CACNA1I: variants seen among roughly 807,000 people sequenced by gnomAD.
CACNA1I encodes the protein voltage-dependent T-type calcium channel subunit alpha-1I.
CACNA1I carries 74 observed loss-of-function variants against 201.6 expected under a neutral mutation model. That is an observed-to-expected ratio of 0.37 (90% CI 0.30 to 0.45). CACNA1I has a LOEUF of 0.45. Ranked by LOEUF, CACNA1I falls within the 20% of genes least tolerant of loss-of-function variation. CACNA1I has a pLI of 1.00. For missense variants in CACNA1I, 2,346 were observed against 3,138.1 expected, an observed-to-expected ratio of 0.75 and a Z score of 6.03; for synonymous variants, 1,431 against 1,345.2, an observed-to-expected ratio of 1.06 and a Z score of -1.40.
chr22:39,616,817 C>G (rs1315471842), intron 3 of CACNA1I, among the ~76,000 whole-genome samples: 1 of 151,432 alleles, frequency 6.6e-6, no homozygotes, highest in Admixed American at 6.6e-5. Context: ...TCTTTGTCAT[C>G]AAGGGGCTGA....
At chr22:39,655,974 A>G (rs1442316806) in intron 10 of CACNA1I, among the ~76,000 whole-genome samples, 1 of 152,124 alleles carries the variant, frequency 6.6e-6, no homozygotes, top group Admixed American at 6.5e-5. Context: ...GTCAGCGCCT[A>G]CAGCTTTCAT....
At chr22:39,651,770 G>C (rs763968149) in intron 10 of CACNA1I, among the ~76,000 whole-genome samples, 1 of 152,258 alleles carries the variant, frequency 6.6e-6, no homozygotes, top group Admixed American at 6.5e-5. Context: ...TGATGAAAGA[G>C]TTGGGAGCTT....
intron 1 of CACNA1I, among the ~76,000 whole-genome samples, chr22:39,583,702 C>A (rs1932656345): frequency 6.6e-6 from 1 of 152,236 alleles, no homozygotes; most frequent in Non-Finnish European, 1.5e-5. Context: ...CATTTCTCAT[C>A]CATTCTACTG....
chr22:39,659,019 A>G lies in CACNA1I; in HGVS notation c.2233A>G (p.Met745Val). Residue 745 changes from methionine to valine, a missense_variant, in exon 12 of 37, where the codon ATG (methionine) becomes GTG (valine). This residue lies in a region of CACNA1I where 155 missense variants were observed against 300.8 expected (regional missense o/e 0.52). Transcript: ENST00000402142. The surrounding 1 kb of genome is among the most constrained non-coding windows in gnomAD (Gnocchi z 4.3). The stretch of plus-strand genomic sequence containing the variant: ...GCGCGTGCTGAAACTGGTGCGCTTC[A>G]TGCCTGCCCTGCGGCGCCAGCTCGT... ...LLRVLKLVRF[M>V]PALRRQLVVL... 2 of 1,612,496 alleles carry G rather than the reference A, an allele frequency of 1.2e-6. No individual in the cohort carries two copies. Among genetic ancestry groups the G allele is most frequent in the Non-Finnish European group, 8.5e-7 (1 of 1,179,548 alleles).
intron 1 of CACNA1I, among the ~76,000 whole-genome samples, chr22:39,583,524 C>G (rs1276851041): frequency 6.6e-6 from 1 of 152,156 alleles, no homozygotes; most frequent in African/African-American, 2.4e-5. Context: ...ATCCACCCAT[C>G]CCTCCACTCA....
At chr22:39,632,459 G>A (rs945112501) in intron 4 of CACNA1I, among the ~76,000 whole-genome samples, 3 of 152,176 alleles carry the variant, frequency 2.0e-5, no homozygotes, top group African/African-American at 4.8e-5. Flanking sequence ...GCTGGCCAAG[G>A]CTTCGCATCC....
chr22:39,686,385 G>C lies in CACNA1I; in HGVS notation c.6652G>C (p.Ala2218Pro). ...LPGELEPGDA[A>P]SKRKR ...CGGAGAGCTGGAGCCGGGAGACGCC[G>C]CCAGCAAGAGGAAGAGATGAGGGTC... Residue 2218 changes from alanine to proline, a missense_variant, in exon 37 of 37, where the codon GCC becomes CCC. Coordinates refer to ENST00000402142, the MANE Select transcript of CACNA1I (RefSeq NM_021096.4). 7.8e-7 allele frequency: 1 copy of C among 1,289,176 alleles called. No homozygotes were observed. Among genetic ancestry groups the C allele is most frequent in the Non-Finnish European group, 9.8e-7 (1 of 1,015,672 alleles). 79.9% of individuals were successfully genotyped at this position (1,289,176 alleles called of 1,614,324 possible).
chr22:39,627,300 G>T (rs1009403233), intron 4 of CACNA1I, among the ~76,000 whole-genome samples: 16 of 152,342 alleles, frequency 1.1e-4, no homozygotes, highest in Middle Eastern at 3.4e-3. Flanking sequence ...GGGTGCACAG[G>T]TCTCGTGGTG....
chr22:39,664,561 G>T (rs951414736), intron 20 of CACNA1I, among the ~76,000 whole-genome samples, 178 bp from the exon 21 acceptor site: 1 of 151,574 alleles, frequency 6.6e-6, no homozygotes, highest in Non-Finnish European at 1.5e-5. Context: ...CCCATCAACC[G>T]CCCTCAGAGG....
At chr22:39,669,585 G>A (rs1415905195) in intron 24 of CACNA1I, among the ~76,000 whole-genome samples, 1 of 150,968 alleles carries the variant, frequency 6.6e-6, no homozygotes, top group African/African-American at 2.4e-5. Flanking sequence ...AAATGAATGG[G>A]TGGCTGGCTG....
intron 2 of CACNA1I, among the ~76,000 whole-genome samples, chr22:39,598,987 G>T (rs1483814481): frequency 1.8e-5 from 2 of 112,042 alleles, no homozygotes; most frequent in Non-Finnish European, 3.3e-5. Flanking sequence ...TCACTGTGTC[G>T]CCCCAGGCTG....
At position 39,659,768 on chromosome 22, in the gene CACNA1I, C is replaced by G. The variant is rs149207079; in HGVS notation, c.2520C>G (p.Leu840=). 27 of 1,613,966 alleles carry G rather than the reference C, an allele frequency of 1.7e-5. No homozygotes were observed. The Middle Eastern group carries it at 6.6e-4, about 39-fold the overall frequency. Residue 840 remains leucine (L), a synonymous_variant, in exon 14 of 37, where the codon CTC becomes CTG. Transcript: ENST00000402142. The surrounding 1 kb of genome is among the most constrained non-coding windows in gnomAD (Gnocchi z 4.3). ...GMASTSPWAS[L]YFVALMTFGN... ...CCTCCACTTCTCCCTGGGCCTCCCT[C>G]TACTTTGTCGCCCTCATGACCTTCG...
intron 4 of CACNA1I, among the ~76,000 whole-genome samples, chr22:39,623,861 G>T (rs975916010): frequency 6.7e-6 from 1 of 148,344 alleles, no homozygotes; most frequent in Admixed American, 6.7e-5. Context: ...CCATAAAGGG[G>T]TGTGCCTGTG....
chr22:39,649,976 AGGACCCTGCCCAGGCC>A lies in CACNA1I; in HGVS notation c.1992+52_1992+67del, dbSNP rs1250263512. ...CCTGCGGGAGAGGTGTGAGGGCCCC[AGGACCCTGCCCAGGCC>A]TGGGCAGCCCCATCCATCTGCCTGG... On this transcript the variant is annotated intron_variant, in intron 10 of 36. Coordinates refer to ENST00000402142, the MANE Select transcript of CACNA1I (RefSeq NM_021096.4). This position sits in a 1 kb window ranked among gnomAD's most constrained non-coding sequence, Gnocchi z 7.3. The A allele has an allele frequency of 2.5e-6, 4 of 1,587,568 alleles. No individual in the cohort carries two copies. The Admixed American group carries it at 6.7e-5, about 27-fold the overall frequency.
At chr22:39,622,783 G>A (rs1426640138) in intron 4 of CACNA1I, among the ~76,000 whole-genome samples, 1 of 151,712 alleles carries the variant, frequency 6.6e-6, no homozygotes, top group African/African-American at 2.4e-5. Flanking sequence ...CACCTGGGTG[G>A]GCGGGAGGGA....
rs549439226 is a variant in CACNA1I at position 39,659,572 on chromosome 22, A to G, written c.2448+22A>G. ...CCAGGTGAGTGGCCGCTGCGTGTTC[A>G]TGTTTGCTGGGGAAGCGATGGGACA... On this transcript the variant is annotated intron_variant, in intron 13 of 36. Coordinates refer to ENST00000402142, the MANE Select transcript of CACNA1I (RefSeq NM_021096.4). This position sits in a 1 kb window ranked among gnomAD's most constrained non-coding sequence, Gnocchi z 4.3. 4.6e-5 allele frequency: 73 copies of G among 1,604,206 alleles called. 1 individual carries two copies. In the East Asian group the frequency reaches 1.5e-3, roughly 33 times the overall value.
chr22:39,676,139 G>C lies in CACNA1I; in HGVS notation c.4855-1202G>C, dbSNP rs1935506412. On this transcript the variant is annotated intron_variant, in intron 29 of 36. Transcript: ENST00000402142. This position sits in a 1 kb window ranked among gnomAD's most constrained non-coding sequence, Gnocchi z 4.8. ...AGATGCTGACAGCAGGGAGGGGACA[G>C]ATAGAAAAGCTGACGGCAATCCTGG... Among the ~76,000 whole-genome samples the C allele has an allele frequency of 6.6e-6, 1 of 152,214 alleles. No individual in the cohort carries two copies. The highest frequency in any genetic ancestry group is 6.5e-5 in the Admixed American group (1 of 15,280).
In CACNA1I at chr22:39,677,889, G is replaced by A. The variant is rs2146474992; in HGVS notation, c.4934-98G>A. The stretch of plus-strand genomic sequence containing the variant: ...ACAGTCTGCAGGCCCCTCCTAGGGT[G>A]TGATGAGGGTTCTGAGGCGAGGCGG... On this transcript the variant is annotated intron_variant, in intron 30 of 36. Coordinates refer to ENST00000402142, the MANE Select transcript of CACNA1I (RefSeq NM_021096.4). The surrounding 1 kb of genome is among the most constrained non-coding windows in gnomAD (Gnocchi z 4.8). 2 of 1,357,332 alleles carry A rather than the reference G, an allele frequency of 1.5e-6. No individual in the cohort carries two copies. Among genetic ancestry groups the A allele is most frequent in the Non-Finnish European group, 2.0e-6 (2 of 1,006,506 alleles). 84.1% of individuals were successfully genotyped at this position (1,357,332 alleles called of 1,614,324 possible). A position where few individuals can be genotyped will look rare whatever the true frequency, so the allele number is the denominator to read the frequency against.
chr22:39,688,816 G>T lies in CACNA1I; in HGVS notation c.*2411G>T, dbSNP rs542072436. On this transcript the variant is annotated 3_prime_UTR_variant, in exon 37 of 37. Coordinates refer to ENST00000402142, the MANE Select transcript of CACNA1I (RefSeq NM_021096.4). This position sits in a 1 kb window ranked among gnomAD's most constrained non-coding sequence, Gnocchi z 4.8. The stretch of plus-strand genomic sequence containing the variant: ...GGGATGGGCATGAGCGAAGGCTCCA[G>T]GGTCCACAGAGCAGGGAGTGTGGAG... The T allele has an allele frequency of 6.6e-6, 1 of 152,612 alleles. No individual in the cohort carries two copies. Among genetic ancestry groups the T allele is most frequent in the South Asian group, 2.1e-4 (1 of 4,830 alleles). The allele number at this position is 152,612 out of a possible 1,614,324, so 9.5% of individuals were successfully genotyped here.
Sources: allele counts gnomAD v4.1 joint callset (sites outside exome capture counted in the v4.1 genomes callset), GRCh38; gene constraint gnomAD v4.1.1; regional missense constraint gnomAD v4.1.1; non-coding constraint Gnocchi (gnomAD v3.1); transcripts MANE v1.5; gene names NCBI Gene and HGNC (gene_info 2026-07-23, HGNC 2026-07-21).